Variants in DGKB observed in about 807,000 individuals in gnomAD.
DGKB encodes the protein diacylglycerol kinase beta, also known as 90 kDa diacylglycerol kinase.
A neutral mutation model predicts 114.3 loss-of-function variants in DGKB; 67 were observed. The ratio of observed to expected loss-of-function variants is 0.59; its 90% CI spans 0.48 to 0.72. DGKB has a LOEUF of 0.72. Ranked by LOEUF, DGKB falls within the 30% of genes least tolerant of loss-of-function variation. The pLI is 0.00. For missense variants in DGKB, 907 were observed against 975.2 expected, an observed-to-expected ratio of 0.93 and a Z score of 0.93; for synonymous variants, 398 against 323.1, an observed-to-expected ratio of 1.23 and a Z score of -2.49.
In DGKB at chr7:14,532,247, C is replaced by CAA. The variant is rs57982538; in HGVS notation, c.1770+41963_1770+41964dup. ...GAAACCTAAAATGTCATGAGACCTACAAAAAAAAAAAGACAAAATGGTAGA... is the reference window on the plus strand; with the variant it reads ...GAAACCTAAAATGTCATGAGACCTACAAAAAAAAAAAAAGACAAAATGGTAGA... On this transcript the variant is annotated intron_variant, in intron 20 of 25. Coordinates refer to ENST00000402815, the MANE Select transcript of DGKB (RefSeq NM_001350709.2). Among the ~76,000 whole-genome samples, 237 of 141,224 alleles carry CAA rather than the reference C, an allele frequency of 1.7e-3. 1 individual carries two copies. Among genetic ancestry groups the CAA allele is most frequent in the Non-Finnish European group, 2.4e-3 (156 of 63,906 alleles). 92.6% of individuals were successfully genotyped at this position (141,224 alleles called of 152,430 possible). A position where few individuals can be genotyped will look rare whatever the true frequency, so the allele number is the denominator to read the frequency against.
At chr7:14,925,977 G>A (rs1386289049) in intron 1 of DGKB, among the ~76,000 whole-genome samples, 1 of 151,988 alleles carries the variant, frequency 6.6e-6, no homozygotes, top group South Asian at 2.1e-4. Context: ...AGAAATCCTT[G>A]CCTGATCTTG....
At chr7:14,871,940 T>C (rs1852520914) in intron 1 of DGKB, among the ~76,000 whole-genome samples, 1 of 152,090 alleles carries the variant, frequency 6.6e-6, no homozygotes, top group African/African-American at 2.4e-5. Flanking sequence ...TTCTCTGAAG[T>C]TTTTTGCTAA....
At chr7:14,267,859 G>A (rs2128425465) in intron 23 of DGKB, among the ~76,000 whole-genome samples, 1 of 152,186 alleles carries the variant, frequency 6.6e-6, no homozygotes, top group Middle Eastern at 3.4e-3. Context: ...TAGGGTAAAT[G>A]GCATGAATAT....
chr7:14,648,563 C>T (rs951674744), intron 13 of DGKB, among the ~76,000 whole-genome samples: 11 of 152,134 alleles, frequency 7.2e-5, no homozygotes, highest in Non-Finnish European at 1.2e-4. Context: ...AACAGGAAAA[C>T]TGGAAACTCT....
chr7:14,241,947 C>G (rs1793725684), intron 23 of DGKB, among the ~76,000 whole-genome samples: 1 of 95,636 alleles, frequency 1.0e-5, no homozygotes, highest in African/African-American at 5.5e-5. Flanking sequence ...GATATATACA[C>G]ACACACATAT....
intron 25 of DGKB, among the ~76,000 whole-genome samples, chr7:14,166,460 C>T (rs183072125): frequency 5.1e-4 from 78 of 152,210 alleles, no homozygotes; most frequent in African/African-American, 1.7e-3. Flanking sequence ...CAAGTCAGCA[C>T]GCAGGTAGTT....
intron 1 of DGKB, among the ~76,000 whole-genome samples, chr7:14,911,758 C>T (rs193098894): frequency 1.3e-5 from 2 of 152,098 alleles, no homozygotes; most frequent in South Asian, 2.1e-4. Context: ...TGCAAAACTG[C>T]GACAACGCTG....
intron 1 of DGKB, among the ~76,000 whole-genome samples, chr7:14,853,456 G>A (rs1207371476): frequency 2.0e-5 from 3 of 151,506 alleles, no homozygotes; most frequent in Non-Finnish European, 2.9e-5. Flanking sequence ...TTTTCTGCTT[G>A]ATAGAATATT....
chr7:14,294,637 T>C (rs533243614), intron 23 of DGKB, among the ~76,000 whole-genome samples: 69 of 152,326 alleles, frequency 4.5e-4, no homozygotes, highest in Non-Finnish European at 9.1e-4. Context: ...GACATCAGTT[T>C]ATTGTAATTA....
At chr7:14,879,753 G>C (rs6963154) in intron 1 of DGKB, among the ~76,000 whole-genome samples, 55,872 of 151,948 alleles carry the variant, frequency 0.37, 10,891 homozygotes, top group East Asian at 0.64. Context: ...AATGCTGAAA[G>C]AATCTTTCCT....
chr7:14,438,989 CTT>C (rs34850004), intron 21 of DGKB, among the ~76,000 whole-genome samples: 1 of 148,748 alleles, frequency 6.7e-6, no homozygotes, highest in South Asian at 2.1e-4. Context: ...GGGAAGCCTC[CTT>C]TTTTTTTTCT....
At chr7:14,237,915 A>G (rs1344794892) in intron 23 of DGKB, among the ~76,000 whole-genome samples, 1 of 152,068 alleles carries the variant, frequency 6.6e-6, no homozygotes, top group Non-Finnish European at 1.5e-5. Context: ...TGTCCCTAGT[A>G]GAGGTGATAA....
At position 14,580,930 on chromosome 7, in the gene DGKB, T is replaced by A; in HGVS notation, c.1541A>T (p.His514Leu). Residue 514 changes from histidine (H) to leucine (L), a missense_variant, in exon 19 of 26, where the codon CAT becomes CTT. His to Leu is a moderately conservative substitution (Grantham distance 99). Around this residue, in one of 3 missense-constraint regions of DGKB, gnomAD observed 814 missense variants for 856.6 expected, o/e 0.95. Coordinates refer to ENST00000402815, the MANE Select transcript of DGKB (RefSeq NM_001350709.2). ...DCIEKANVGK[H>L]PPVAILPLGT... ...AAGAGGCAGAATCGCAACTGGAGGA[T>A]GCTTGCCTACATTGGCCTTTTCTGC... 6.2e-7 allele frequency: 1 copy of A among 1,603,602 alleles called. No individual in the cohort carries two copies. The highest frequency in any genetic ancestry group is 8.5e-7 in the Non-Finnish European group (1 of 1,172,942).
intron 20 of DGKB, among the ~76,000 whole-genome samples, chr7:14,500,728 T>C (rs942863946): frequency 6.6e-6 from 1 of 151,810 alleles, no homozygotes; most frequent in African/African-American, 2.4e-5. Context: ...AGGTGATTGA[T>C]AGAAGCTCAA....
intron 25 of DGKB, among the ~76,000 whole-genome samples, chr7:14,160,231 C>T (rs1244342178): frequency 6.6e-6 from 1 of 152,140 alleles, no homozygotes; most frequent in Admixed American, 6.6e-5. Flanking sequence ...AAGATATCCT[C>T]TCTCACCACT....
chr7:14,937,053 C>G (rs1382600344), intron 1 of DGKB, among the ~76,000 whole-genome samples: 1 of 148,902 alleles, frequency 6.7e-6, no homozygotes, highest in Non-Finnish European at 1.5e-5. Flanking sequence ...CACACACACA[C>G]ACACACACAC....
intron 1 of DGKB, among the ~76,000 whole-genome samples, chr7:14,948,717 A>C (rs533390083): frequency 6.6e-6 from 1 of 151,936 alleles, no homozygotes; most frequent in East Asian, 1.9e-4. Context: ...TCTCTATTAC[A>C]TTTAGTAAAA....
At chr7:14,950,278 A>T (rs1481107750) in intron 1 of DGKB, among the ~76,000 whole-genome samples, 1 of 152,004 alleles carries the variant, frequency 6.6e-6, no homozygotes. Flanking sequence ...TCACATTTAT[A>T]GCTGTAAACT....
chr7:14,535,387 A>AG (rs200103034), intron 20 of DGKB, among the ~76,000 whole-genome samples: 4 of 142,912 alleles, frequency 2.8e-5, no homozygotes, highest in Admixed American at 7.1e-5. Flanking sequence ...AGAAAAAAAA[A>AG]AAAAAAAGAA....
Sources: allele counts gnomAD v4.1 joint callset (sites outside exome capture counted in the v4.1 genomes callset), GRCh38; gene constraint gnomAD v4.1.1; regional missense constraint gnomAD v4.1.1; transcripts MANE v1.5; gene names NCBI Gene and HGNC (gene_info 2026-07-23, HGNC 2026-07-21).